The following KPNA4 variants were observed in gnomAD, a reference collection of about 807,000 sequenced individuals.
KPNA4 encodes the protein importin subunit alpha-3.
Under a neutral mutation model 71.3 loss-of-function variants are expected in KPNA4, and 13 were observed. That is an observed-to-expected ratio of 0.18 (90% CI 0.12 to 0.29). The LOEUF is 0.29. KPNA4 is among the 10% of genes least tolerant of loss of function. The pLI, the probability that KPNA4 is intolerant of heterozygous loss-of-function variation, is 1.00. For missense variants in KPNA4, 334 were observed against 603.2 expected (o/e 0.55, Z 4.67); for synonymous variants, 189 against 195.2 (o/e 0.97, Z 0.26).
At chr3:160,514,832 C>T (rs527902779) in intron 12 of KPNA4, 38 of 417,974 alleles carry the variant, frequency 9.1e-5, no homozygotes, top group South Asian at 4.1e-4. Context: ...GGTGGCCTTA[C>T]GCGTTATAAT....
intron 6 of KPNA4, 114 bp from the exon 7 acceptor site, chr3:160,531,054 A>G (rs750582861): frequency 9.8e-5 from 69 of 703,262 alleles, no homozygotes; most frequent in Non-Finnish European, 1.4e-4. Context: ...TTCAAAAGTT[A>G]TCTATCCATC....
intron 1 of KPNA4, among the ~76,000 whole-genome samples, chr3:160,557,456 T>C (rs1204674390): frequency 2.6e-5 from 4 of 152,180 alleles, no homozygotes; most frequent in African/African-American, 9.7e-5. Flanking sequence ...TATTAGACAA[T>C]ATGTCCATCA....
intron 11 of KPNA4, among the ~76,000 whole-genome samples, chr3:160,516,728 T>C (rs915325487): frequency 2.6e-5 from 4 of 151,960 alleles, no homozygotes; most frequent in African/African-American, 9.7e-5. Context: ...GCTGTGATCA[T>C]ACCACTGCAC....
intron 1 of KPNA4, among the ~76,000 whole-genome samples, chr3:160,544,756 A>C (rs113302793): frequency 1.9e-3 from 292 of 152,332 alleles, no homozygotes; most frequent in Middle Eastern, 6.8e-3. Flanking sequence ...GCTTGAAGGA[A>C]TCTGATTTCT....
intron 13 of KPNA4, 51 bp downstream of exon 13, chr3:160,514,026 T>A: frequency 9.4e-7 from 1 of 1,063,332 alleles, no homozygotes; most frequent in Non-Finnish European, 1.3e-6. Context: ...CAGATTTAAA[T>A]CCCCTTCCCC....
intron 2 of KPNA4, 77 bp downstream of exon 2, chr3:160,536,719 A>T (rs1431763508): frequency 1.1e-5 from 8 of 725,508 alleles, no homozygotes; most frequent in Non-Finnish European, 1.8e-5. Context: ...AACATAATAT[A>T]TATTTGGCAT....
intron 1 of KPNA4, among the ~76,000 whole-genome samples, chr3:160,558,904 G>A (rs988320656): frequency 1.3e-5 from 2 of 152,136 alleles, no homozygotes; most frequent in African/African-American, 4.8e-5. Flanking sequence ...GCTCACTTAA[G>A]AATTCCTTGA....
intron 1 of KPNA4, chr3:160,564,780 T>C (rs1345530204): frequency 6.6e-6 from 1 of 151,866 alleles, no homozygotes; most frequent in African/African-American, 2.4e-5. Flanking sequence ...CACCCTCCCA[T>C]TCCCACCGCC....
At chr3:160,557,020 T>C (rs1197873809) in intron 1 of KPNA4, among the ~76,000 whole-genome samples, 3 of 152,188 alleles carry the variant, frequency 2.0e-5, no homozygotes, top group Non-Finnish European at 4.4e-5. Context: ...CTCACTATAC[T>C]GCCTAGGATG....
At chr3:160,551,174 T>C (rs1230388175) in intron 1 of KPNA4, among the ~76,000 whole-genome samples, 3 of 152,224 alleles carry the variant, frequency 2.0e-5, no homozygotes, top group Admixed American at 1.3e-4. Flanking sequence ...TCTAGTCAGA[T>C]TTACTATTTC....
chr3:160,508,590 A>G (rs1721031886), intron 14 of KPNA4, among the ~76,000 whole-genome samples: 2 of 139,984 alleles, frequency 1.4e-5, no homozygotes, highest in Admixed American at 1.4e-4. Context: ...TCAGTTAAGG[A>G]GGCTGTTAAT....
At chr3:160,524,709 G>C (rs1207657741) in intron 10 of KPNA4, among the ~76,000 whole-genome samples, 2 of 152,020 alleles carry the variant, frequency 1.3e-5, no homozygotes, top group East Asian at 3.9e-4. Flanking sequence ...GGCTATTAAG[G>C]AGCCAAAACC....
At chr3:160,529,001 C>T (rs941962305) in intron 7 of KPNA4, among the ~76,000 whole-genome samples, 8 of 152,162 alleles carry the variant, frequency 5.3e-5, no homozygotes, top group Non-Finnish European at 2.9e-5. Context: ...CACCACAGGT[C>T]ACTGCAGCCT....
chr3:160,527,457 T>C (rs368195949), intron 8 of KPNA4, among the ~76,000 whole-genome samples: 21 of 152,310 alleles, frequency 1.4e-4, no homozygotes, highest in African/African-American at 4.6e-4. Context: ...CAGGAAATAA[T>C]ATTACTATAT....
At chr3:160,543,983 G>A (rs951821551) in intron 1 of KPNA4, among the ~76,000 whole-genome samples, 1 of 152,032 alleles carries the variant, frequency 6.6e-6, no homozygotes, top group Non-Finnish European at 1.5e-5. Flanking sequence ...TCAGCCACCC[G>A]AGTATCTGGG....
intron 5 of KPNA4, among the ~76,000 whole-genome samples, chr3:160,533,927 C>A (rs1052237843): frequency 2.6e-5 from 4 of 152,196 alleles, no homozygotes; most frequent in Admixed American, 6.5e-5. Context: ...TCAACTCTGA[C>A]AATGGTGAGC....
chr3:160,519,260 T>C (rs1010186889), intron 11 of KPNA4, among the ~76,000 whole-genome samples: 2 of 152,210 alleles, frequency 1.3e-5, no homozygotes, highest in Non-Finnish European at 2.9e-5. Flanking sequence ...AAATGTTTTG[T>C]AGTAGCCTAG....
Position 160,498,599 on chromosome 3 carries a change from T to C in KPNA4, c.*3505A>G, listed in dbSNP as rs1720814368. On this transcript the variant is annotated 3_prime_UTR_variant, in exon 17 of 17. Coordinates refer to ENST00000334256, the MANE Select transcript of KPNA4 (RefSeq NM_002268.5). ...GGGTAGGTGGCCTGATCTAATCAGG[T>C]GAGACCTTTAAAAAAGCGCTTAAGG... The C allele has an allele frequency of 1.3e-5, 2 of 152,200 alleles. No homozygotes were observed. Among genetic ancestry groups the C allele is most frequent in the Admixed American group, 1.3e-4 (2 of 15,282 alleles). 9.4% of individuals were successfully genotyped at this position (152,200 alleles called of 1,614,324 possible).
At chr3:160,516,442 T>TAAA (rs112115015) in intron 11 of KPNA4, among the ~76,000 whole-genome samples, 56 of 145,458 alleles carry the variant, frequency 3.8e-4, no homozygotes, top group Middle Eastern at 3.5e-3. Flanking sequence ...GATAGTGCCA[T>TAAA]AAAAAAAAAA....
Sources: gnomAD v4.1 joint callset for allele counts (sites outside exome capture counted in the v4.1 genomes callset) on GRCh38, gnomAD v4.1.1 for gene constraint, MANE v1.5 for transcripts, NCBI Gene and HGNC (gene_info 2026-07-23, HGNC 2026-07-21) for gene names.